The following CXCR2 variants were observed in gnomAD, a reference collection of about 807,000 sequenced individuals.
The protein encoded by CXCR2 is C-X-C chemokine receptor type 2.
In CXCR2, 2 loss-of-function variants were observed where a neutral mutation model predicts 3.7. The ratio of observed to expected loss-of-function variants is 0.55; its 90% CI spans 0.22 to 1.72. The LOEUF (loss-of-function observed/expected upper bound fraction) is 1.72. Among genes scored for constraint, CXCR2 ranks in the 40% most tolerant of loss-of-function variants. CXCR2 has a pLI of 0.19. For missense variants in CXCR2, 351 were observed against 450.1 expected, an observed-to-expected ratio of 0.78 and a Z score of 1.99; for synonymous variants, 203 against 193.3, an observed-to-expected ratio of 1.05 and a Z score of -0.41.
At chr2:218,134,728 A>G in intron 2 of CXCR2, 49 bp from the exon 3 acceptor site, 1 of 1,508,522 alleles carries the variant, frequency 6.6e-7, no homozygotes, top group Non-Finnish European at 8.9e-7. Flanking sequence ...GTGGATGGGC[A>G]AGAATATGGG....
At position 218,129,381 on chromosome 2, in the gene CXCR2, C is replaced by T. The variant is rs550560891; in HGVS notation, c.-26+16C>T. The T allele has an allele frequency of 3.7e-4, 57 of 152,470 alleles. No individual in the cohort carries two copies. The highest frequency in any genetic ancestry group is 1.3e-3 in the African/African-American group (52 of 41,548). The allele number at this position is 152,470 out of a possible 1,614,324, so 9.4% of individuals were successfully genotyped here. Reference sequence around the variant, plus strand: ...CAGCGACCCAGTAAGTCTTGGAACACCCACCCTTCCCACCAGCTAGAATGT... The same window carrying T: ...CAGCGACCCAGTAAGTCTTGGAACATCCACCCTTCCCACCAGCTAGAATGT... On this transcript the variant is annotated intron_variant, in intron 2 of 2. Transcript: ENST00000318507.
intron 2 of CXCR2, 118 bp from the exon 3 acceptor site, chr2:218,134,658 GA>G (rs1198591039): frequency 2.1e-6 from 2 of 973,044 alleles, no homozygotes; most frequent in African/African-American, 1.7e-5. Flanking sequence ...AATTTGAAGG[GA>G]AAAATTACTA....
chr2:218,135,973 C>G lies in CXCR2; in HGVS notation c.*89C>G. The stretch of plus-strand genomic sequence containing the variant: ...CTCATGTCCACTGGTTCTTCTTGGT[C>G]TCAGTGTCAATGCAGCCCCCATTGT... On this transcript the variant is annotated 3_prime_UTR_variant, in exon 3 of 3. Transcript: ENST00000318507. This position sits in a 1 kb window ranked among gnomAD's most constrained non-coding sequence, Gnocchi z 4.0. The G allele has an allele frequency of 6.7e-7, 1 of 1,488,880 alleles. No individual in the cohort carries two copies. Among genetic ancestry groups the G allele is most frequent in the South Asian group, 1.4e-5 (1 of 73,846 alleles). The allele number at this position is 1,488,880 out of a possible 1,614,324, so 92.2% of individuals were successfully genotyped here.
chr2:218,130,084 G>A (rs1690605078), intron 2 of CXCR2, among the ~76,000 whole-genome samples: 1 of 152,200 alleles, frequency 6.6e-6, no homozygotes, highest in African/African-American at 2.4e-5. Context: ...AAACATGAAA[G>A]AATGTGAGTG....
Position 218,136,648 on chromosome 2 carries a change from G to C in CXCR2, c.*764G>C, listed in dbSNP as rs1690816961. ...TATTTGTACACCAATATTCATAGCA[G>C]CTTATTCACAAGACCCAAAAGGCAG... On this transcript the variant is annotated 3_prime_UTR_variant, in exon 3 of 3. Coordinates refer to ENST00000318507, the MANE Select transcript of CXCR2 (RefSeq NM_001557.4). The C allele has an allele frequency of 6.0e-6, 1 of 166,930 alleles. No individual in the cohort carries two copies. Among genetic ancestry groups the C allele is most frequent in the Non-Finnish European group, 1.5e-5 (1 of 68,116 alleles). The allele number at this position is 166,930 out of a possible 1,614,324, so 10.3% of individuals were successfully genotyped here.
At chr2:218,134,558 C>A (rs977893491) in intron 2 of CXCR2, among the ~76,000 whole-genome samples, 2 of 152,182 alleles carry the variant, frequency 1.3e-5, no homozygotes, top group African/African-American at 2.4e-5. Context: ...CTAAGAATTT[C>A]TCTCTTATAT....
In CXCR2 at chr2:218,135,351, C is replaced by T. The variant is rs200409575; in HGVS notation, c.550C>T (p.Arg184Ter). 5.6e-6 allele frequency: 9 copies of T among 1,614,178 alleles called. No individual in the cohort carries two copies. Among genetic ancestry groups the T allele is most frequent in the South Asian group, 2.2e-5 (2 of 91,072 alleles). ...LLLALPVLLF[R>*]RTVYSSNVSP... is the part of the protein sequence containing the mutation. ...CCTGGCCCTGCCTGTCTTACTTTTC[C>T]GAAGGACCGTCTACTCATCCAATGT... Residue 184 changes from arginine (R) to a stop codon, truncating the protein, a stop_gained, in exon 3 of 3, where the codon CGA (arginine) becomes TGA (stop). Transcript: ENST00000318507. LOFTEE classifies it low-confidence loss of function (END_TRUNC). This position sits in a 1 kb window ranked among gnomAD's most constrained non-coding sequence, Gnocchi z 4.0.
At chr2:218,133,186 T>C (rs919200740) in intron 2 of CXCR2, among the ~76,000 whole-genome samples, 8 of 151,966 alleles carry the variant, frequency 5.3e-5, no homozygotes, top group African/African-American at 1.9e-4. Context: ...AGGGTGGTCA[T>C]CCCTTACTCT....
intron 2 of CXCR2, among the ~76,000 whole-genome samples, chr2:218,133,835 C>T (rs979392609): frequency 6.6e-6 from 1 of 152,246 alleles, no homozygotes; most frequent in African/African-American, 2.4e-5. Flanking sequence ...CTGCCCCTCT[C>T]TTATTGGGTA....
intron 2 of CXCR2, among the ~76,000 whole-genome samples, chr2:218,132,994 T>C (rs1330438168): frequency 1.3e-5 from 2 of 152,244 alleles, no homozygotes; most frequent in Admixed American, 6.5e-5. Flanking sequence ...CATTCCCACC[T>C]GCAATGTGGG....
At position 218,135,956 on chromosome 2, in the gene CXCR2, C is replaced by G. The variant is rs2106109839; in HGVS notation, c.*72C>G. On this transcript the variant is annotated 3_prime_UTR_variant, in exon 3 of 3. Transcript: ENST00000318507. This position sits in a 1 kb window ranked among gnomAD's most constrained non-coding sequence, Gnocchi z 4.0. ...ACAGTCACATTCCAAGCCTCATGTC[C>G]ACTGGTTCTTCTTGGTCTCAGTGTC... The G allele has an allele frequency of 6.6e-7, 1 of 1,520,086 alleles. No individual in the cohort carries two copies. Among genetic ancestry groups the G allele is most frequent in the South Asian group, 1.3e-5 (1 of 75,856 alleles). The allele number at this position is 1,520,086 out of a possible 1,614,324, so 94.2% of individuals were successfully genotyped here.
chr2:218,134,659 A>G (rs529973230), intron 2 of CXCR2, 118 bp from the exon 3 acceptor site: 3 of 983,520 alleles, frequency 3.1e-6, no homozygotes, highest in Non-Finnish European at 4.4e-6. Context: ...ATTTGAAGGG[A>G]AAAATTACTA....
intron 2 of CXCR2, 131 bp from the exon 3 acceptor site, chr2:218,134,646 C>A: frequency 2.3e-6 from 2 of 857,062 alleles, no homozygotes; most frequent in Non-Finnish European, 3.5e-6. Flanking sequence ...CTACCACTTA[C>A]AAATTTGAAG....
At chr2:218,128,380 G>C (rs988059937) in intron 1 of CXCR2, among the ~76,000 whole-genome samples, 1 of 152,186 alleles carries the variant, frequency 6.6e-6, no homozygotes, top group Non-Finnish European at 1.5e-5. Context: ...TCTGCCACAG[G>C]GATTGAGTCC....
In CXCR2 at chr2:218,129,304, C is replaced by G. The variant is rs200919436; in HGVS notation, c.-77-10C>G. 6.6e-6 allele frequency: 1 copy of G among 152,384 alleles called. No homozygotes were observed. Among genetic ancestry groups the G allele is most frequent in the Non-Finnish European group, 1.5e-5 (1 of 68,076 alleles). The allele number at this position is 152,384 out of a possible 1,614,324, so 9.4% of individuals were successfully genotyped here. On this transcript the variant is annotated splice_polypyrimidine_tract_variant and intron_variant, in intron 1 of 2. Coordinates refer to ENST00000318507, the MANE Select transcript of CXCR2 (RefSeq NM_001557.4). Reference sequence around the variant, plus strand: ...TCCACTGTGTTCTCACCACCACCTCCCTTTCATAGGTCACAGCTGCTCTTC... The same window carrying G: ...TCCACTGTGTTCTCACCACCACCTCGCTTTCATAGGTCACAGCTGCTCTTC...
chr2:218,129,022 A>G (rs555345632), intron 1 of CXCR2, among the ~76,000 whole-genome samples: 2 of 152,352 alleles, frequency 1.3e-5, no homozygotes, highest in South Asian at 4.1e-4. Flanking sequence ...TCTGAGATAC[A>G]GCAAAGATGA....
chr2:218,131,387 C>T (rs1431863363), intron 2 of CXCR2, among the ~76,000 whole-genome samples: 1 of 152,170 alleles, frequency 6.6e-6, no homozygotes, highest in African/African-American at 2.4e-5. Context: ...CTCTCAATAC[C>T]TCCCCAGCCT....
rs1690815627 is a variant in CXCR2 at position 218,136,581 on chromosome 2, A to C, written c.*697A>C. The C allele has an allele frequency of 6.0e-6, 1 of 167,102 alleles. No homozygotes were observed. The highest frequency in any genetic ancestry group is 1.5e-5 in the Non-Finnish European group (1 of 68,132). The allele number at this position is 167,102 out of a possible 1,614,324, so 10.4% of individuals were successfully genotyped here. A position where few individuals can be genotyped will look rare whatever the true frequency, so the allele number is the denominator to read the frequency against. ...CACATGATCCTGCAATTCCACTTAT[A>C]GGAATTGACCCACAAGAAATGAAAG... On this transcript the variant is annotated 3_prime_UTR_variant, in exon 3 of 3. Coordinates refer to ENST00000318507, the MANE Select transcript of CXCR2 (RefSeq NM_001557.4).
At position 218,135,907 on chromosome 2, in the gene CXCR2, C is replaced by A. The variant is rs1213465829; in HGVS notation, c.*23C>A. 6.3e-7 allele frequency: 1 copy of A among 1,576,550 alleles called. No individual in the cohort carries two copies. Among genetic ancestry groups the A allele is most frequent in the Non-Finnish European group, 8.6e-7 (1 of 1,160,462 alleles). The stretch of plus-strand genomic sequence containing the variant: ...TAAGACCTCCTGCCTAAGTGCAGCC[C>A]CGTGGGGTTCCTCCCTTCTCTTCAC... On this transcript the variant is annotated 3_prime_UTR_variant, in exon 3 of 3. Coordinates refer to ENST00000318507, the MANE Select transcript of CXCR2 (RefSeq NM_001557.4). The surrounding 1 kb of genome is among the most constrained non-coding windows in gnomAD (Gnocchi z 4.0).
Sources: allele counts gnomAD v4.1 joint callset (sites outside exome capture counted in the v4.1 genomes callset), GRCh38; gene constraint gnomAD v4.1.1; non-coding constraint Gnocchi (gnomAD v3.1); transcripts MANE v1.5; gene names NCBI Gene and HGNC (gene_info 2026-07-23, HGNC 2026-07-21).